The following ERCC8 variants were observed in gnomAD, a reference collection of about 807,000 sequenced individuals.
The protein encoded by ERCC8 is ERCC excision repair 8, CSA ubiquitin ligase complex subunit.
A neutral mutation model predicts 54.9 loss-of-function variants in ERCC8; 52 were observed. That is an observed-to-expected ratio of 0.95 (90% confidence interval 0.76 to 1.19). The LOEUF (loss-of-function observed/expected upper bound fraction) is 1.19, where lower values mean the gene tolerates loss of function less well. ERCC8 is among the 50% of genes most tolerant of loss of function. ERCC8 has a pLI of 0.00. For missense variants in ERCC8, 514 were observed against 466.1 expected (o/e 1.10, Z -0.95); for synonymous variants, 146 against 157.2 (o/e 0.93, Z 0.53).
rs1747810024 is a variant in ERCC8, at chr5:60,869,066, C to A, written c.*5549G>T. On this transcript the variant is annotated 3_prime_UTR_variant, in exon 12 of 12. Coordinates refer to ENST00000676185, the MANE Select transcript of ERCC8 (RefSeq NM_000082.4). Reference sequence around the variant, plus strand: ...TTAGTTCGGGCTCAATAATTAGCACCTGAACATGGAAAACATTAAATTAAA... The same window carrying A: ...TTAGTTCGGGCTCAATAATTAGCACATGAACATGGAAAACATTAAATTAAA... 6.6e-6 allele frequency among the ~76,000 whole-genome samples: 1 copy of A among 151,942 alleles called. No individual in the cohort carries two copies. Among genetic ancestry groups the A allele is most frequent in the African/African-American group, 2.4e-5 (1 of 41,350 alleles).
chr5:60,878,332 CTT>C (rs1459253457), intron 11 of ERCC8, among the ~76,000 whole-genome samples: 1 of 152,086 alleles, frequency 6.6e-6, no homozygotes, highest in African/African-American at 2.4e-5. Context: ...GTAAAATTCT[CTT>C]TTTTTGTTGT....
At chr5:60,925,341 T>C (rs1361204642) in intron 2 of ERCC8, among the ~76,000 whole-genome samples, 1 of 152,164 alleles carries the variant, frequency 6.6e-6, no homozygotes, top group Non-Finnish European at 1.5e-5. Flanking sequence ...ACTGCTCAAT[T>C]TGGATTCTAT....
intron 4 of ERCC8, among the ~76,000 whole-genome samples, chr5:60,912,601 T>G (rs140843015): frequency 0.011 from 1,661 of 152,264 alleles, 13 homozygotes; most frequent in Middle Eastern, 0.024. Context: ...CTTGCCTGAT[T>G]GCCCTGGCCA....
chr5:60,893,667 C>A (rs991501774), intron 9 of ERCC8: 3 of 521,538 alleles, frequency 5.8e-6, no homozygotes, highest in Non-Finnish European at 1.0e-5. Context: ...GTAACAGACG[C>A]TCTTGTGCTG....
chr5:60,872,511 C>A lies in ERCC8; in HGVS notation c.*2104G>T, dbSNP rs1000349236. Reference sequence around the variant, plus strand: ...AAGACAGTTCTCAAAAGAAGACATGCAAATGGCCAGCAGATATATGAAAAA... The same window carrying A: ...AAGACAGTTCTCAAAAGAAGACATGAAAATGGCCAGCAGATATATGAAAAA... On this transcript the variant is annotated 3_prime_UTR_variant, in exon 12 of 12. Coordinates refer to ENST00000676185, the MANE Select transcript of ERCC8 (RefSeq NM_000082.4). Among the ~76,000 whole-genome samples, 1 of 152,070 alleles carries A rather than the reference C, an allele frequency of 6.6e-6. No homozygotes were observed. The highest frequency in any genetic ancestry group is 1.5e-5 in the Non-Finnish European group (1 of 68,006).
intron 4 of ERCC8, among the ~76,000 whole-genome samples, chr5:60,906,860 T>C (rs1749090231): frequency 6.6e-6 from 1 of 152,218 alleles, no homozygotes; most frequent in Admixed American, 6.5e-5. Context: ...GCTTGAAGGC[T>C]AAAGGCAAGA....
Position 60,870,168 on chromosome 5 carries a change from T to G in ERCC8, c.*4447A>C. Reference sequence around the variant, plus strand: ...ACAATAATCAAAAGTCTCCCCTAATTATCACAGTCAGGCCTGAATTAGTAA... The same window carrying G: ...ACAATAATCAAAAGTCTCCCCTAATGATCACAGTCAGGCCTGAATTAGTAA... On this transcript the variant is annotated 3_prime_UTR_variant, in exon 12 of 12. Transcript: ENST00000676185. Among the ~76,000 whole-genome samples the G allele has an allele frequency of 6.6e-6, 1 of 152,034 alleles. No homozygotes were observed. The highest frequency in any genetic ancestry group is 1.5e-5 in the Non-Finnish European group (1 of 68,032).
Position 60,867,411 on chromosome 5 carries a change from C to T in ERCC8, c.*7204G>A, listed in dbSNP as rs1183074755. On this transcript the variant is annotated 3_prime_UTR_variant, in exon 12 of 12. Coordinates refer to ENST00000676185, the MANE Select transcript of ERCC8 (RefSeq NM_000082.4). ...CTGGGTTTACAGGTGTGAGCCACTG[C>T]GCCTGGCCTTATTTCTTTATAAAGC... Among the ~76,000 whole-genome samples, 3 of 152,158 alleles carry T rather than the reference C, an allele frequency of 2.0e-5. No individual in the cohort carries two copies.
intron 10 of ERCC8, 109 bp from the exon 11 acceptor site, chr5:60,887,629 A>G: frequency 1.2e-6 from 1 of 816,202 alleles, no homozygotes. Flanking sequence ...GATTAATGCT[A>G]TTTCTACTCC....
chr5:60,916,230 G>T (rs930405800), intron 4 of ERCC8, among the ~76,000 whole-genome samples: 4 of 151,908 alleles, frequency 2.6e-5, no homozygotes, highest in African/African-American at 9.7e-5. Context: ...GGCTGTCTTG[G>T]CAGCCCACAT....
chr5:60,938,075 ATATATATATATTTTATTTTT>A (rs1750136520), intron 1 of ERCC8, among the ~76,000 whole-genome samples: 1 of 18,916 alleles, frequency 5.3e-5, no homozygotes, highest in Non-Finnish European at 9.9e-5. Context: ...ATATATATAT[ATATATATATATTTTATTTTT>A]TTTTTTTTTA....
At chr5:60,911,487 A>G (rs1270341292) in intron 4 of ERCC8, among the ~76,000 whole-genome samples, 1 of 151,198 alleles carries the variant, frequency 6.6e-6, no homozygotes, top group Non-Finnish European at 1.5e-5. Context: ...GACTCTGGAT[A>G]TTAGCCCTTT....
chr5:60,907,345 A>T (rs1260019283), intron 4 of ERCC8: 1 of 147,448 alleles, frequency 6.8e-6, no homozygotes, highest in Admixed American at 7.1e-5. Context: ...GTTATCATAG[A>T]AACATGATTC....
intron 4 of ERCC8, among the ~76,000 whole-genome samples, chr5:60,906,579 A>T (rs1749077919): frequency 6.6e-6 from 1 of 151,904 alleles, no homozygotes; most frequent in Non-Finnish European, 1.5e-5. Flanking sequence ...AAATATAAAA[A>T]TTAGCTGGGC....
chr5:60,875,857 T>G (rs1408434611), intron 11 of ERCC8, among the ~76,000 whole-genome samples: 1 of 151,146 alleles, frequency 6.6e-6, no homozygotes, highest in African/African-American at 2.4e-5. Context: ...CCACCACGCC[T>G]GGATAATTTT....
chr5:60,920,757 C>T (rs4647081), intron 3 of ERCC8, among the ~76,000 whole-genome samples: 3,648 of 151,944 alleles, frequency 0.024, 62 homozygotes, highest in Non-Finnish European at 0.037. Context: ...TGACACATTA[C>T]GCATTTACTT....
At position 60,870,083 on chromosome 5, in the gene ERCC8, C is replaced by T. The variant is rs1204565752; in HGVS notation, c.*4532G>A. On this transcript the variant is annotated 3_prime_UTR_variant, in exon 12 of 12. Coordinates refer to ENST00000676185, the MANE Select transcript of ERCC8 (RefSeq NM_000082.4). The stretch of plus-strand genomic sequence containing the variant: ...CCCATATTTCTCCACTATATTTTTG[C>T]AAGTGCTTAACAAAACAAAACAAAA... Among the ~76,000 whole-genome samples the T allele has an allele frequency of 6.6e-6, 1 of 151,944 alleles. No homozygotes were observed. Among genetic ancestry groups the T allele is most frequent in the African/African-American group, 2.4e-5 (1 of 41,372 alleles).
intron 4 of ERCC8, among the ~76,000 whole-genome samples, chr5:60,908,083 C>T (rs1356214948): frequency 6.6e-6 from 1 of 152,122 alleles, no homozygotes; most frequent in Non-Finnish European, 1.5e-5. Flanking sequence ...GCAGACTTTG[C>T]TTTCATTTTT....
intron 11 of ERCC8, among the ~76,000 whole-genome samples, chr5:60,880,052 G>T (rs1406262268): frequency 6.6e-6 from 1 of 152,252 alleles, no homozygotes; most frequent in East Asian, 1.9e-4. Context: ...CTCTTTTAGG[G>T]CAGGCCTGGT....
Sources: gnomAD v4.1 joint callset for allele counts (sites outside exome capture counted in the v4.1 genomes callset) on GRCh38, gnomAD v4.1.1 for gene constraint, MANE v1.5 for transcripts, NCBI Gene and HGNC (gene_info 2026-07-23, HGNC 2026-07-21) for gene names.